The following JMJD1C variants were observed in gnomAD, a reference collection of about 807,000 sequenced individuals.
JMJD1C encodes jumonji domain-containing protein 1C.
In JMJD1C, 31 loss-of-function variants were observed where a neutral mutation model predicts 245.3. That is an observed-to-expected ratio of 0.13 (90% CI 0.09 to 0.17). The LOEUF is 0.17. Among genes scored for constraint, JMJD1C ranks in the 10% least tolerant of loss-of-function variants. The pLI is 1.00. For missense variants in JMJD1C, 2,691 were observed against 3,000.2 expected (o/e 0.90, Z 2.41); for synonymous variants, 1,057 against 1,017.4 (o/e 1.04, Z -0.74).
At position 63,207,696 on chromosome 10, in the gene JMJD1C, A is replaced by G; in HGVS notation, c.3973T>C (p.Ser1325Pro). 1 of 1,614,178 alleles carries G rather than the reference A, an allele frequency of 6.2e-7. No individual in the cohort carries two copies. Among genetic ancestry groups the G allele is most frequent in the Non-Finnish European group, 8.5e-7 (1 of 1,180,006 alleles). The change falls in exon 10 of 26, where the codon TCT (serine) becomes CCT (proline). Residue 1325 changes from serine to proline, a missense_variant. Ser to Pro is a moderately conservative substitution (Grantham distance 74). This residue lies in a region of JMJD1C where 1,562 missense variants were observed against 1,490.7 expected (regional missense o/e 1.05). Coordinates refer to ENST00000399262, the MANE Select transcript of JMJD1C (RefSeq NM_032776.3). ...GATCTTTCACTAACACGATCTTTAGAAGCTAACTGCATTGCTGGCATACTA... is the reference window on the plus strand; with the variant it reads ...GATCTTTCACTAACACGATCTTTAGGAGCTAACTGCATTGCTGGCATACTA... ...TDSMPAMQLA[S>P]KDRVSERSSA...
chr10:63,194,346 C>T lies in JMJD1C; in HGVS notation c.5674G>A (p.Val1892Met), dbSNP rs1184623988. ...TTGTGATCATGAGGCTGTCCCTTCACACACTTCATCCAAGCATATAGTTCT... is the reference window on the plus strand; with the variant it reads ...TTGTGATCATGAGGCTGTCCCTTCATACACTTCATCCAAGCATATAGTTCT... ...DKELYAWMKC[V>M]KGQPHDHKHL... Residue 1892 changes from valine (V) to methionine (M), a missense_variant, in exon 14 of 26, where the codon GTG (valine) becomes ATG (methionine). Coordinates refer to ENST00000399262, the MANE Select transcript of JMJD1C (RefSeq NM_032776.3). 5 of 1,612,256 alleles carry T rather than the reference C, an allele frequency of 3.1e-6. No homozygotes were observed. Among genetic ancestry groups the T allele is most frequent in the Non-Finnish European group, 3.4e-6 (4 of 1,178,552 alleles).
chr10:63,242,846 A>T (rs986833198), intron 3 of JMJD1C, among the ~76,000 whole-genome samples: 2 of 152,012 alleles, frequency 1.3e-5, no homozygotes, highest in East Asian at 1.9e-4. Flanking sequence ...TCTCCTTATT[A>T]AAAAAAATTT....
chr10:63,224,945 C>T (rs1264042968), intron 3 of JMJD1C, among the ~76,000 whole-genome samples: 1 of 151,706 alleles, frequency 6.6e-6, no homozygotes, highest in Non-Finnish European at 1.5e-5. Flanking sequence ...GCCTGTAATC[C>T]CAGCTACCAG....
chr10:63,510,028 A>G (rs1954828502), intron 1 of JMJD1C, among the ~76,000 whole-genome samples: 2 of 147,906 alleles, frequency 1.4e-5, no homozygotes, highest in Admixed American at 1.3e-4. Flanking sequence ...TTTGAGATGG[A>G]GTCTCACTCT....
At chr10:63,319,369 T>C (rs1940555820) in intron 2 of JMJD1C, among the ~76,000 whole-genome samples, 1 of 152,000 alleles carries the variant, frequency 6.6e-6, no homozygotes, top group African/African-American at 2.4e-5. Context: ...GACTTTTTTT[T>C]TTCCCTCATC....
chr10:63,343,714 A>G (rs908800262), intron 2 of JMJD1C, among the ~76,000 whole-genome samples: 1 of 152,164 alleles, frequency 6.6e-6, no homozygotes, highest in East Asian at 1.9e-4. Context: ...CAGCCATTAT[A>G]ACACTGTACT....
At chr10:63,193,637 TGATTA>T in intron 14 of JMJD1C, 165 bp from the exon 15 acceptor site, 1 of 494,862 alleles carries the variant, frequency 2.0e-6, no homozygotes, top group Non-Finnish European at 3.5e-6. Flanking sequence ...ATTACAGTTT[TGATTA>T]TTCAACCAAA....
chr10:63,222,823 A>C, intron 3 of JMJD1C: 1 of 1,440,676 alleles, frequency 6.9e-7, no homozygotes, highest in Non-Finnish European at 9.8e-7. Context: ...AGACAGATGC[A>C]CCTTGGTGTG....
chr10:63,183,407 C>A, intron 22 of JMJD1C, 40 bp downstream of exon 22: 2 of 1,557,232 alleles, frequency 1.3e-6, no homozygotes, highest in South Asian at 2.3e-5. Flanking sequence ...TGTGATTATT[C>A]AACTCTTATT....
rs375947355 is a variant in JMJD1C at position 63,207,742 on chromosome 10, T to C, written c.3927A>G (p.Pro1309=). ...QAAMASVIVR[P]SSSTKTDSMP... is the part of the protein sequence containing the mutation. The stretch of plus-strand genomic sequence containing the variant: ...TACTATCAGTTTTTGTACTAGAAGA[T>C]GGACGCACAATGACAGATGCCATAG... Residue 1309 remains proline (P), a synonymous_variant, in exon 10 of 26, where the codon CCA becomes CCG. Coordinates refer to ENST00000399262, the MANE Select transcript of JMJD1C (RefSeq NM_032776.3). 3.1e-6 allele frequency: 5 copies of C among 1,614,098 alleles called. No homozygotes were observed. The highest frequency in any genetic ancestry group is 1.3e-5 in the African/African-American group (1 of 74,942).
At chr10:63,282,287 A>T (rs1354721752) in intron 2 of JMJD1C, among the ~76,000 whole-genome samples, 1 of 152,224 alleles carries the variant, frequency 6.6e-6, no homozygotes, top group Non-Finnish European at 1.5e-5. Context: ...ATATGATACG[A>T]TGCAGTATCT....
In JMJD1C at chr10:63,465,700, G is replaced by A. The variant is rs544315521; in HGVS notation, c.-38C>T. On this transcript the variant is annotated 5_prime_UTR_variant, in exon 1 of 26. Transcript: ENST00000399262. ...CGAAGCGGCCGCTGCCTCCTCCAGT[G>A]CGAGGGAACCGATGAAACCTCACTC... The A allele has an allele frequency of 1.7e-5, 28 of 1,601,524 alleles. No individual in the cohort carries two copies. The Middle Eastern group carries it at 6.6e-4, about 38-fold the overall frequency.
At chr10:63,217,901 A>G (rs1848180751) in intron 4 of JMJD1C, among the ~76,000 whole-genome samples, 1 of 152,126 alleles carries the variant, frequency 6.6e-6, no homozygotes. Flanking sequence ...TCACTTTTTC[A>G]AAGGATATTC....
intron 22 of JMJD1C, among the ~76,000 whole-genome samples, chr10:63,181,965 T>C (rs536177942): frequency 4.5e-4 from 69 of 152,348 alleles, no homozygotes; most frequent in Non-Finnish European, 8.7e-4. Context: ...TTACCTATTA[T>C]AGTCAATAGT....
Position 63,450,619 on chromosome 10 carries a change from G to C in JMJD1C, c.168+14876C>G, listed in dbSNP as rs937918804. Among the ~76,000 whole-genome samples, 7 of 152,162 alleles carry C rather than the reference G, an allele frequency of 4.6e-5. No homozygotes were observed. The East Asian group carries it at 1.3e-3, about 29-fold the overall frequency. On this transcript the variant is annotated intron_variant, in intron 1 of 25. Transcript: ENST00000399262. ...TGATGCAGATAAAGCATGTGACAAA[G>C]TCAACATTTTTTCATAAAACACTCT... is the stretch of plus-strand genomic sequence containing the variant.
intron 2 of JMJD1C, among the ~76,000 whole-genome samples, chr10:63,377,383 T>A (rs1261907134): frequency 6.6e-6 from 1 of 152,126 alleles, no homozygotes; most frequent in East Asian, 1.9e-4. Flanking sequence ...CAAAAACAGT[T>A]AAAATGGCAA....
At chr10:63,422,015 G>T (rs1010942935) in intron 1 of JMJD1C, among the ~76,000 whole-genome samples, 8 of 152,118 alleles carry the variant, frequency 5.3e-5, no homozygotes, top group South Asian at 2.1e-4. Context: ...CTTTTTAAAA[G>T]ATTAAAAATA....
intron 1 of JMJD1C, among the ~76,000 whole-genome samples, chr10:63,420,692 G>A (rs11818194): frequency 0.14 from 19,069 of 134,882 alleles, 1,900 homozygotes; most frequent in East Asian, 0.36. Context: ...CCCAGCCTGG[G>A]TAACAAAACG....
At chr10:63,428,010 C>A in intron 1 of JMJD1C, 1 of 652,740 alleles carries the variant, frequency 1.5e-6, no homozygotes, top group South Asian at 1.6e-5. Context: ...TCTGTGCTGT[C>A]CACTGTACTT....
Sources: gnomAD v4.1 joint callset for allele counts (sites outside exome capture counted in the v4.1 genomes callset) on GRCh38, gnomAD v4.1.1 for gene constraint, gnomAD v4.1.1 regional missense constraint, MANE v1.5 for transcripts, NCBI Gene and HGNC (gene_info 2026-07-23, HGNC 2026-07-21) for gene names.